Variants in COG5 observed in about 807,000 individuals in gnomAD.
The protein encoded by COG5 is component of oligomeric golgi complex 5.
A neutral mutation model predicts 110.4 loss-of-function variants in COG5; 86 were observed. That is an observed-to-expected ratio of 0.78 (90% confidence interval 0.65 to 0.93). The LOEUF (loss-of-function observed/expected upper bound fraction) is 0.93. Among genes scored for constraint, COG5 ranks in the 40% least tolerant of loss-of-function variants. The pLI is 0.00. For missense variants in COG5, 1,077 were observed against 987.0 expected (o/e 1.09, Z -1.22); for synonymous variants, 360 against 334.6 (o/e 1.08, Z -0.83).
intron 6 of COG5, among the ~76,000 whole-genome samples, chr7:107,484,312 T>C (rs1797524732): frequency 6.6e-6 from 1 of 152,220 alleles, no homozygotes; most frequent in African/African-American, 2.4e-5. Flanking sequence ...ACTTGTATCA[T>C]TAAGTCCTGT....
intron 19 of COG5, among the ~76,000 whole-genome samples, chr7:107,220,867 G>A (rs1799873685): frequency 6.7e-6 from 1 of 149,596 alleles, no homozygotes; most frequent in Admixed American, 6.7e-5. Context: ...GCCCAGGCTG[G>A]AATGCAGTGG....
chr7:107,378,182 G>C (rs149745063), intron 7 of COG5, among the ~76,000 whole-genome samples: 51 of 152,242 alleles, frequency 3.3e-4, no homozygotes, highest in African/African-American at 9.6e-4. Context: ...AGAGGGGTCT[G>C]ACCGTCAGAA....
intron 7 of COG5, among the ~76,000 whole-genome samples, chr7:107,383,745 T>C (rs1815328979): frequency 6.6e-6 from 1 of 152,194 alleles, no homozygotes; most frequent in African/African-American, 2.4e-5. Context: ...TCTGTACCCC[T>C]TTCTAATGCA....
chr7:107,549,270 ATGTTACCAAGG>A (rs1802701998), intron 3 of COG5: 1 of 152,260 alleles, frequency 6.6e-6, no homozygotes, highest in Non-Finnish European at 1.5e-5. Context: ...ACCAAAACAG[ATGTTACCAAGG>A]TCACCAGAAA....
rs770725568 is a variant in COG5 at position 107,474,545 on chromosome 7, T to C, written c.538+52692A>G. Reference sequence around the variant, plus strand: ...ATGGGCAGAGCTGTAATGTTAATGATATCCATTTGGATTTTTTCTTTTTTC... The same window carrying C: ...ATGGGCAGAGCTGTAATGTTAATGACATCCATTTGGATTTTTTCTTTTTTC... On this transcript the variant is annotated intron_variant, in intron 6 of 21. Transcript: ENST00000297135. This position sits in a 1 kb window ranked among gnomAD's most constrained non-coding sequence, Gnocchi z 5.7. 2.5e-6 allele frequency: 4 copies of C among 1,611,204 alleles called. No homozygotes were observed. The South Asian group carries it at 4.4e-5, about 18-fold the overall frequency.
At chr7:107,497,361 C>A (rs1798346878) in intron 6 of COG5, among the ~76,000 whole-genome samples, 1 of 151,964 alleles carries the variant, frequency 6.6e-6, no homozygotes, top group Non-Finnish European at 1.5e-5. Flanking sequence ...TAAAACTGTC[C>A]CTGTTTGCAG....
At chr7:107,404,315 T>C (rs756070286) in intron 7 of COG5, among the ~76,000 whole-genome samples, 9 of 152,196 alleles carry the variant, frequency 5.9e-5, no homozygotes, top group Non-Finnish European at 1.2e-4. Flanking sequence ...AGTTCCTTGT[T>C]TACTGAACAT....
At chr7:107,243,347 A>T (rs559794798) in intron 17 of COG5, among the ~76,000 whole-genome samples, 43 of 151,950 alleles carry the variant, frequency 2.8e-4, no homozygotes, top group African/African-American at 9.9e-4. Flanking sequence ...CCCCGTCTCT[A>T]CTAAACATAC....
rs75506881 is a variant in COG5 at position 107,437,454 on chromosome 7, T to C, written c.539-24822A>G. Among the ~76,000 whole-genome samples, 321 of 152,308 alleles carry C rather than the reference T, an allele frequency of 2.1e-3. 3 individuals carry two copies. In the East Asian group the frequency reaches 0.026, roughly 12 times the overall value. On this transcript the variant is annotated intron_variant, in intron 6 of 21. Transcript: ENST00000297135. ...TGTTTCTGCTAAAAATATAGAATAC[T>C]GGTGCCTGGAAGAAAGTGAATATGT...
At chr7:107,229,737 T>A (rs1289991937) in intron 19 of COG5, among the ~76,000 whole-genome samples, 1 of 152,136 alleles carries the variant, frequency 6.6e-6, no homozygotes, top group Non-Finnish European at 1.5e-5. Flanking sequence ...CTCCGCTCAG[T>A]ACTAAATTTT....
At chr7:107,462,768 T>C (rs1169610956) in intron 6 of COG5, among the ~76,000 whole-genome samples, 2 of 152,154 alleles carry the variant, frequency 1.3e-5, no homozygotes, top group Non-Finnish European at 2.9e-5. Flanking sequence ...CCATATCTGA[T>C]ACAATAACGA....
chr7:107,372,847 T>G, intron 7 of COG5, 87 bp from the exon 8 acceptor site: 3 of 1,262,046 alleles, frequency 2.4e-6, no homozygotes, highest in Non-Finnish European at 3.4e-6. Context: ...AAGCAGGACT[T>G]CAGCAGTCCT....
At position 107,236,771 on chromosome 7, in the gene COG5, G is replaced by A. The variant is rs77706294; in HGVS notation, c.1854-84C>T. On this transcript the variant is annotated intron_variant, in intron 17 of 21. Transcript: ENST00000297135. ...TTGTACCCCTCTCCCCACCAATGCT[G>A]CTATTTCAATCCTTTGTAATGTTTT... 0.021 allele frequency: 18,025 copies of A among 871,662 alleles called. 850 individuals carry two copies. The highest frequency in any genetic ancestry group is 0.14 in the African/African-American group (8,375 of 60,568). The allele number at this position is 871,662 out of a possible 1,614,324, so 54.0% of individuals were successfully genotyped here.
intron 10 of COG5, among the ~76,000 whole-genome samples, chr7:107,328,424 G>T (rs759210531): frequency 2.0e-5 from 3 of 152,108 alleles, no homozygotes; most frequent in Non-Finnish European, 4.4e-5. Flanking sequence ...ACTTACAATA[G>T]AACACTCTTC....
intron 14 of COG5, 55 bp from the exon 15 acceptor site, chr7:107,258,438 T>G: frequency 1.1e-6 from 1 of 927,880 alleles, no homozygotes; most frequent in Non-Finnish European, 1.8e-6. Flanking sequence ...TCTCTCTCTC[T>G]CTCTCTCTCT....
chr7:107,404,724 G>A (rs751640905), intron 7 of COG5, among the ~76,000 whole-genome samples: 1 of 151,890 alleles, frequency 6.6e-6, no homozygotes, highest in Non-Finnish European at 1.5e-5. Context: ...ACAAGATAAG[G>A]TTCTAAGAAA....
At position 107,202,872 on chromosome 7, in the gene COG5, C is replaced by T. The variant is rs1798449068; in HGVS notation, c.*644G>A. ...CAAAAGCCTTGCTTTATTTAAAGAT[C>T]CAGTATGACATACTTAAAAAGGCCA... is the stretch of plus-strand genomic sequence containing the variant. On this transcript the variant is annotated 3_prime_UTR_variant, in exon 22 of 22. Transcript: ENST00000297135. 6.6e-6 allele frequency: 1 copy of T among 152,166 alleles called. No individual in the cohort carries two copies. Among genetic ancestry groups the T allele is most frequent in the African/African-American group, 2.4e-5 (1 of 41,352 alleles). 9.4% of individuals were successfully genotyped at this position (152,166 alleles called of 1,614,324 possible).
chr7:107,395,640 C>T (rs554259715), intron 7 of COG5, among the ~76,000 whole-genome samples: 264 of 149,794 alleles, frequency 1.8e-3, no homozygotes, highest in Non-Finnish European at 2.9e-3. Flanking sequence ...CTGCAACCTC[C>T]GCCTCCTAGG....
chr7:107,328,571 CAAA>C (rs2129029524), intron 10 of COG5, among the ~76,000 whole-genome samples: 1 of 152,226 alleles, frequency 6.6e-6, no homozygotes, highest in East Asian at 1.9e-4. Context: ...CTAAAATAGT[CAAA>C]CTCTTAGAAG....
Sources: gnomAD v4.1 joint callset for allele counts (sites outside exome capture counted in the v4.1 genomes callset) on GRCh38, gnomAD v4.1.1 for gene constraint, Gnocchi (gnomAD v3.1) non-coding constraint, MANE v1.5 for transcripts, NCBI Gene and HGNC (gene_info 2026-07-23, HGNC 2026-07-21) for gene names.